Variants in PRIM2 observed in about 807,000 individuals in gnomAD.
PRIM2 encodes the protein DNA primase large subunit.
A neutral mutation model predicts 67.3 loss-of-function variants in PRIM2; 39 were observed. The observed-to-expected ratio is 0.58, with a 90% CI of 0.45 to 0.76. The LOEUF (loss-of-function observed/expected upper bound fraction) is 0.76. Among genes scored for constraint, PRIM2 ranks in the 30% least tolerant of loss-of-function variants. PRIM2 has a pLI of 0.00. For missense variants in PRIM2, 398 were observed against 598.7 expected (o/e 0.66, Z 3.50); for synonymous variants, 143 against 198.7 (o/e 0.72, Z 2.36).
chr6:57,312,560 G>A (rs190823568), upstream of PRIM2, among the ~76,000 whole-genome samples: 1 of 152,172 alleles, frequency 6.6e-6, no homozygotes, highest in Non-Finnish European at 1.5e-5. Flanking sequence ...TTAATTTAAT[G>A]TAGTTAAAAT....
At chr6:57,303,640 A>C in the PRIM2 span, among the ~76,000 whole-genome samples, 2 of 151,890 alleles carry the variant, frequency 1.3e-5, no homozygotes, top group Non-Finnish European at 2.9e-5. Flanking sequence ...TTTTGAGATG[A>C]ATTCTCCCTC....
At chr6:57,236,592 T>G in the PRIM2 span, among the ~76,000 whole-genome samples, 1 of 149,860 alleles carries the variant, frequency 6.7e-6, no homozygotes. Flanking sequence ...CAGGCCCTGG[T>G]GTGTGATGTT....
chr6:57,516,680 G>A (rs1554348303), intron 8 of PRIM2, among the ~76,000 whole-genome samples: 7 of 152,216 alleles, frequency 4.6e-5, no homozygotes, highest in Non-Finnish European at 8.8e-5. Flanking sequence ...TGGTTACTTT[G>A]TATGAGAGCT....
intron 7 of PRIM2, among the ~76,000 whole-genome samples, chr6:57,447,754 A>G (rs1434092775): frequency 1.3e-5 from 2 of 152,246 alleles, no homozygotes; most frequent in African/African-American, 4.8e-5. Context: ...GTATAGAAAG[A>G]AGTTATCTTT....
At chr6:57,245,921 A>G in the PRIM2 span, among the ~76,000 whole-genome samples, 5 of 152,216 alleles carry the variant, frequency 3.3e-5, no homozygotes. Context: ...ATTGAGAAAG[A>G]TTAGTTGATT....
At chr6:57,337,356 A>G (rs1266537129) in intron 5 of PRIM2, among the ~76,000 whole-genome samples, 7 of 152,078 alleles carry the variant, frequency 4.6e-5, no homozygotes, top group Admixed American at 6.6e-5. Flanking sequence ...TGCACCAAGC[A>G]GACCTAATAG....
intron 5 of PRIM2, among the ~76,000 whole-genome samples, chr6:57,367,561 A>G (rs1442337363): frequency 2.6e-5 from 4 of 152,210 alleles, no homozygotes; most frequent in Admixed American, 2.6e-4. Context: ...CCATCTTATT[A>G]TATCTCACAC....
chr6:57,417,028 G>T (rs10456743), intron 7 of PRIM2, among the ~76,000 whole-genome samples: 39,469 of 150,742 alleles, frequency 0.26, 5,860 homozygotes, highest in South Asian at 0.44. Context: ...GTGCAATGGC[G>T]CATTTTCAGC....
chr6:57,416,390 A>G (rs1771264101), intron 7 of PRIM2, among the ~76,000 whole-genome samples: 1 of 151,636 alleles, frequency 6.6e-6, no homozygotes, highest in Non-Finnish European at 1.5e-5. Flanking sequence ...TTATTTAGAC[A>G]TTATTGTTCC....
At chr6:57,476,281 G>T (rs1773476368) in intron 7 of PRIM2, among the ~76,000 whole-genome samples, 1 of 152,156 alleles carries the variant, frequency 6.6e-6, no homozygotes, top group South Asian at 2.1e-4. Flanking sequence ...CCAGAATTTA[G>T]AATTGGTAAA....
chr6:57,475,693 G>A (rs1365167949), intron 7 of PRIM2, among the ~76,000 whole-genome samples: 1 of 152,200 alleles, frequency 6.6e-6, no homozygotes, highest in Non-Finnish European at 1.5e-5. Flanking sequence ...TAGGCCCAGA[G>A]CATGTCAAGG....
intron 7 of PRIM2, among the ~76,000 whole-genome samples, chr6:57,421,760 C>G (rs974209184): frequency 6.6e-6 from 1 of 152,168 alleles, no homozygotes; most frequent in Non-Finnish European, 1.5e-5. Flanking sequence ...CTCTGCCACT[C>G]AAGATTTTCA....
intron 7 of PRIM2, among the ~76,000 whole-genome samples, chr6:57,465,847 G>A: frequency 6.6e-6 from 1 of 151,128 alleles, no homozygotes; most frequent in South Asian, 2.1e-4. Flanking sequence ...ATACTTATAA[G>A]TTCTGGGATA....
At chr6:57,485,759 C>T (rs1160457822) in intron 7 of PRIM2, among the ~76,000 whole-genome samples, 5 of 152,108 alleles carry the variant, frequency 3.3e-5, no homozygotes, top group Admixed American at 2.6e-4. Context: ...AGGACATTTT[C>T]CTTACATACA....
chr6:57,496,177 T>C (rs1554346372), intron 7 of PRIM2, among the ~76,000 whole-genome samples: 1 of 152,208 alleles, frequency 6.6e-6, no homozygotes, highest in African/African-American at 2.4e-5. Context: ...ACTTTGGTAA[T>C]TAATATAATT....
chr6:57,312,745 A>G (rs764316208), upstream of PRIM2, among the ~76,000 whole-genome samples: 33 of 152,156 alleles, frequency 2.2e-4, no homozygotes, highest in Non-Finnish European at 3.8e-4. Context: ...CTTTTTCTTA[A>G]TGTCTTGTTA....
At chr6:57,254,502 C>T in the PRIM2 span, among the ~76,000 whole-genome samples, 2 of 152,180 alleles carry the variant, frequency 1.3e-5, no homozygotes, top group South Asian at 2.1e-4. Flanking sequence ...TCAGCACTGA[C>T]GGAGTGGCCA....
At chr6:57,381,252 T>C (rs1356011101) in intron 6 of PRIM2, among the ~76,000 whole-genome samples, 2 of 152,226 alleles carry the variant, frequency 1.3e-5, no homozygotes, top group Non-Finnish European at 2.9e-5. Flanking sequence ...TCGTTGGATA[T>C]ACAGAAAATT....
At chr6:57,609,229 G>A (rs1776620441) in intron 12 of PRIM2, among the ~76,000 whole-genome samples, 1 of 152,194 alleles carries the variant, frequency 6.6e-6, no homozygotes. Context: ...ATTGGAGGAA[G>A]GACGATATGT....
Sources: allele counts gnomAD v4.1 joint callset (sites outside exome capture counted in the v4.1 genomes callset), GRCh38; gene constraint gnomAD v4.1.1; transcripts MANE v1.5; gene names NCBI Gene and HGNC (gene_info 2026-07-23, HGNC 2026-07-21).